AHI1: variants seen among roughly 807,000 people sequenced by gnomAD.
The protein encoded by AHI1 is Abelson helper integration site 1.
Under a neutral mutation model 149.3 loss-of-function variants are expected in AHI1, and 123 were observed. That is an observed-to-expected ratio of 0.82 (90% confidence interval 0.71 to 0.96). The LOEUF is 0.96. Ranked by LOEUF, AHI1 falls within the 40% of genes least tolerant of loss-of-function variation. The pLI, the probability that AHI1 is intolerant of heterozygous loss-of-function variation, is 0.00. For synonymous variants in AHI1, 475 were observed against 459.8 expected (o/e 1.03, Z -0.42); for missense variants, 1,439 against 1,422.7 (o/e 1.01, Z -0.18).
Position 135,323,305 on chromosome 6 carries a change from T to C in AHI1, c.3185A>G (p.Tyr1062Cys). 6.2e-7 allele frequency: 1 copy of C among 1,613,618 alleles called. No individual in the cohort carries two copies. ...TAPTVVALYDYTANRSDELTI... is the reference protein window; with the variant it reads ...TAPTVVALYDCTANRSDELTI... Reference sequence around the variant, plus strand: ...TAGTTCATCTGATCGATTCGCTGTGTAGTCATAAAGAGCCACTACCTAAGA... The same window carrying C: ...TAGTTCATCTGATCGATTCGCTGTGCAGTCATAAAGAGCCACTACCTAAGA... Residue 1062 changes from tyrosine to cysteine, a missense_variant, in exon 25 of 29, where the codon TAC becomes TGC. Physicochemically the swap from Tyr to Cys is radical, Grantham distance 194. Transcript: ENST00000265602.
At chr6:135,286,660 G>C (rs1781722495) in intron 28 of AHI1, 1 of 152,176 alleles carries the variant, frequency 6.6e-6, no homozygotes, top group South Asian at 2.1e-4. Context: ...TAAATCAATG[G>C]TCGCACTATC....
At chr6:135,320,231 T>G (rs9321500) in intron 25 of AHI1, among the ~76,000 whole-genome samples, 83,462 of 151,964 alleles carry the variant, frequency 0.55, 23,012 homozygotes, top group Middle Eastern at 0.65. Flanking sequence ...AGTTTTTTTT[T>G]TTTGTTTGTT....
intron 26 of AHI1, chr6:135,301,641 A>T (rs968954676): frequency 2.6e-5 from 26 of 985,344 alleles, no homozygotes; most frequent in Admixed American, 6.1e-5. Flanking sequence ...GCTTTAAGTC[A>T]AGCATAATAA....
At chr6:135,343,388 A>G (rs1790670720) in intron 24 of AHI1, among the ~76,000 whole-genome samples, 1 of 151,952 alleles carries the variant, frequency 6.6e-6, no homozygotes, top group Admixed American at 6.6e-5. Flanking sequence ...AAGGCTGAGA[A>G]GGTGATCATA....
At chr6:135,463,521 C>T (rs1330808724) in intron 7 of AHI1, among the ~76,000 whole-genome samples, 3 of 151,802 alleles carry the variant, frequency 2.0e-5, no homozygotes, top group Non-Finnish European at 2.9e-5. Context: ...AGGAGTTACA[C>T]GATTCAACTA....
intron 5 of AHI1, among the ~76,000 whole-genome samples, chr6:135,468,191 T>C (rs1407584683): frequency 6.6e-6 from 1 of 152,166 alleles, no homozygotes; most frequent in Non-Finnish European, 1.5e-5. Context: ...GAGGGTAAAT[T>C]ATGGTGCCAC....
intron 13 of AHI1, among the ~76,000 whole-genome samples, chr6:135,445,563 T>G (rs560676903): frequency 6.6e-6 from 1 of 152,132 alleles, no homozygotes; most frequent in Non-Finnish European, 1.5e-5. Flanking sequence ...AATTTTTTTT[T>G]AAATTTTTAA....
intron 26 of AHI1, chr6:135,301,191 A>G (rs1367976797): frequency 4.1e-6 from 4 of 983,224 alleles, no homozygotes; most frequent in Non-Finnish European, 4.8e-6. Flanking sequence ...TATAATCTAT[A>G]AATCAACCTA....
intron 8 of AHI1, among the ~76,000 whole-genome samples, chr6:135,458,675 A>T (rs1258730879): frequency 6.6e-6 from 1 of 152,176 alleles, no homozygotes; most frequent in Non-Finnish European, 1.5e-5. Context: ...GGGACAGAGA[A>T]ACCAGCGGAT....
intron 23 of AHI1, among the ~76,000 whole-genome samples, chr6:135,367,934 C>T (rs912773872): frequency 6.6e-6 from 1 of 152,100 alleles, no homozygotes. Flanking sequence ...CTTGTTTTGT[C>T]ATATTACCAG....
chr6:135,479,166 CCA>C (rs1319439684), intron 5 of AHI1, among the ~76,000 whole-genome samples: 14 of 152,250 alleles, frequency 9.2e-5, no homozygotes, highest in African/African-American at 2.9e-4. Context: ...GTTACAGCCC[CCA>C]CACAGTCTCC....
intron 23 of AHI1, among the ~76,000 whole-genome samples, chr6:135,359,561 A>C (rs1303402992): frequency 2.0e-5 from 3 of 152,200 alleles, no homozygotes; most frequent in Admixed American, 2.0e-4. Flanking sequence ...GATTTTAACA[A>C]TATAGAAATA....
At chr6:135,366,436 A>G (rs907472463) in intron 23 of AHI1, among the ~76,000 whole-genome samples, 1 of 151,954 alleles carries the variant, frequency 6.6e-6, no homozygotes, top group Admixed American at 6.6e-5. Context: ...TTTGATGGCA[A>G]ATTTTTTATT....
At chr6:135,462,985 G>T in intron 8 of AHI1, 140 bp downstream of exon 8, 3 of 626,574 alleles carry the variant, frequency 4.8e-6, no homozygotes, top group Non-Finnish European at 7.8e-6. Context: ...CTTTAATCTA[G>T]ATGAATTCAA....
In AHI1 at chr6:135,424,033, C is replaced by T. The variant is rs111792702; in HGVS notation, c.2764+3134G>A. On this transcript the variant is annotated intron_variant, in intron 20 of 28. Coordinates refer to ENST00000265602, the MANE Select transcript of AHI1 (RefSeq NM_001134831.2). ...AAGCTTCCATCTTTGCTTCTTACAACGTATAGAAAATACAAGGAAACCACA... is the reference window on the plus strand; with the variant it reads ...AAGCTTCCATCTTTGCTTCTTACAATGTATAGAAAATACAAGGAAACCACA... Among the ~76,000 whole-genome samples, 701 of 151,800 alleles carry T rather than the reference C, an allele frequency of 4.6e-3. 3 individuals are homozygous for T. Among genetic ancestry groups the T allele is most frequent in the African/African-American group, 0.016 (674 of 41,414 alleles).
intron 22 of AHI1, among the ~76,000 whole-genome samples, chr6:135,399,277 C>G (rs548337177): frequency 6.6e-6 from 1 of 152,144 alleles, no homozygotes; most frequent in South Asian, 2.1e-4. Flanking sequence ...AAAGAGGAAA[C>G]AAACCAACTA....
intron 15 of AHI1, 65 bp from the exon 16 acceptor site, chr6:135,433,321 T>C (rs1784925039): frequency 6.4e-6 from 8 of 1,251,844 alleles, no homozygotes; most frequent in Middle Eastern, 4.2e-4. Flanking sequence ...ACAGTTTTTC[T>C]AAGAACCAAC....
intron 28 of AHI1, among the ~76,000 whole-genome samples, chr6:135,285,910 A>G (rs1454333591): frequency 6.6e-6 from 1 of 152,240 alleles, no homozygotes; most frequent in Non-Finnish European, 1.5e-5. Context: ...GTAAGCAAGA[A>G]AGAAATAAAA....
chr6:135,433,014 G>A lies in AHI1; in HGVS notation c.2266+13C>T. 6.3e-7 allele frequency: 1 copy of A among 1,587,258 alleles called. No homozygotes were observed. The highest frequency in any genetic ancestry group is 1.1e-5 in the South Asian group (1 of 90,432). ...TTCACATAGCTGGTCTTCATTCATAGTCTCTGACATACCTTCAGTATCAAA... is the reference window on the plus strand; with the variant it reads ...TTCACATAGCTGGTCTTCATTCATAATCTCTGACATACCTTCAGTATCAAA... On this transcript the variant is annotated intron_variant, in intron 16 of 28. Coordinates refer to ENST00000265602, the MANE Select transcript of AHI1 (RefSeq NM_001134831.2).
Sources: allele counts gnomAD v4.1 joint callset (sites outside exome capture counted in the v4.1 genomes callset), GRCh38; gene constraint gnomAD v4.1.1; transcripts MANE v1.5; gene names NCBI Gene and HGNC (gene_info 2026-07-23, HGNC 2026-07-21).